TMEM260: variants seen among roughly 807,000 people sequenced by gnomAD.
TMEM260 encodes the protein transmembrane protein 260.
TMEM260 carries 82 observed loss-of-function variants against 88.9 expected under a neutral mutation model. The observed-to-expected ratio is 0.92, with a 90% CI of 0.77 to 1.11. The LOEUF is 1.11. TMEM260 is among the 50% of genes least tolerant of loss of function. TMEM260 has a pLI of 0.00. For synonymous variants in TMEM260, 314 were observed against 309.3 expected (o/e 1.02, Z -0.16); for missense variants, 902 against 853.4 (o/e 1.06, Z -0.71).
At chr14:56,611,267 G>T (rs562252885) in intron 6 of TMEM260, among the ~76,000 whole-genome samples, 45 of 152,118 alleles carry the variant, frequency 3.0e-4, no homozygotes, top group African/African-American at 1.0e-3. Context: ...CACCCAGCCT[G>T]CCAATTATTA....
chr14:56,640,310 CA>C (rs201548663), intron 15 of TMEM260, among the ~76,000 whole-genome samples: 5,120 of 152,272 alleles, frequency 0.034, 137 homozygotes, highest in East Asian at 0.098. Flanking sequence ...TCCAGAGGGA[CA>C]ATCAGGCAGC....
At position 56,616,029 on chromosome 14, in the gene TMEM260, T is replaced by G. The variant is rs1467595554; in HGVS notation, c.941+2T>G. 6.3e-7 allele frequency: 1 copy of G among 1,596,090 alleles called. No individual in the cohort carries two copies. The highest frequency in any genetic ancestry group is 8.6e-7 in the Non-Finnish European group (1 of 1,164,300). ...TGCAAATATATGTTTAGCAACAAAG[T>G]AAGTAATACAATTCCTTTTTCTGTT... On this transcript the variant is annotated splice_donor_variant, in intron 8 of 15. Transcript: ENST00000261556. LOFTEE classifies it high-confidence loss of function.
At chr14:56,583,882 C>A (rs1026321438) in intron 1 of TMEM260, among the ~76,000 whole-genome samples, 1 of 151,820 alleles carries the variant, frequency 6.6e-6, no homozygotes, top group African/African-American at 2.4e-5. Context: ...AGAAAAGGGA[C>A]CTTGAAACCA....
intron 15 of TMEM260, among the ~76,000 whole-genome samples, chr14:56,643,573 G>A (rs1405484343): frequency 2.0e-5 from 3 of 151,998 alleles, no homozygotes; most frequent in Non-Finnish European, 4.4e-5. Flanking sequence ...GGCAAAAACT[G>A]GAAACATTCC....
At chr14:56,660,373 G>T in the TMEM260 span, among the ~76,000 whole-genome samples, 132 of 152,326 alleles carry the variant, frequency 8.7e-4, 1 homozygote, top group Non-Finnish European at 2.2e-4. Flanking sequence ...ATGTTAAATT[G>T]CTGGATTTAA....
intron 12 of TMEM260, among the ~76,000 whole-genome samples, chr14:56,632,758 T>A (rs1315738362): frequency 6.6e-6 from 1 of 152,128 alleles, no homozygotes; most frequent in Non-Finnish European, 1.5e-5. Context: ...TCTATTATGC[T>A]TTGAGACTGT....
intron 3 of TMEM260, among the ~76,000 whole-genome samples, chr14:56,590,391 C>T (rs1387781580): frequency 6.6e-6 from 1 of 152,182 alleles, no homozygotes; most frequent in Admixed American, 6.5e-5. Flanking sequence ...ACCAGGTATC[C>T]TCCTGTTCAT....
At chr14:56,652,167 C>T (rs1273568875), downstream of TMEM260, among the ~76,000 whole-genome samples, 2 of 152,132 alleles carry the variant, frequency 1.3e-5, no homozygotes, top group African/African-American at 4.8e-5. Flanking sequence ...AAGTGAATCA[C>T]CCATTACCCT....
chr14:56,636,667 G>T (rs759109343), intron 15 of TMEM260, 69 bp downstream of exon 15: 1 of 1,332,860 alleles, frequency 7.5e-7, no homozygotes, highest in Non-Finnish European at 1.1e-6. Context: ...GTTCAGAATG[G>T]ATAGAGGGTA....
chr14:56,580,107 C>T (rs1021151050), intron 1 of TMEM260, 33 bp downstream of exon 1: 1 of 1,247,748 alleles, frequency 8.0e-7, no homozygotes, highest in Non-Finnish European at 1.0e-6. Context: ...CCTTCTGTCC[C>T]TCTCCCCTGG....
intron 14 of TMEM260, 59 bp from the exon 15 acceptor site, chr14:56,636,449 A>G: frequency 1.5e-6 from 2 of 1,347,706 alleles, no homozygotes; most frequent in Non-Finnish European, 2.1e-6. Flanking sequence ...AGATTTAGCT[A>G]GCCCTGAATG....
At chr14:56,587,368 T>C (rs1461422513) in intron 3 of TMEM260, among the ~76,000 whole-genome samples, 1 of 151,962 alleles carries the variant, frequency 6.6e-6, no homozygotes, top group South Asian at 2.1e-4. Flanking sequence ...TTTTCAACAT[T>C]ATTAATTGTT....
In TMEM260 at chr14:56,605,573, G is replaced by A; in HGVS notation, c.526G>A (p.Ala176Thr). 6.7e-7 allele frequency: 1 copy of A among 1,494,516 alleles called. No homozygotes were observed. The highest frequency in any genetic ancestry group is 8.9e-7 in the Non-Finnish European group (1 of 1,117,504). 92.6% of individuals were successfully genotyped at this position (1,494,516 alleles called of 1,614,324 possible). Reference sequence around the variant, plus strand: ...TTTTTTTTTAATTTATTTTCAGGTAGCTAAAATTGGTGCTTTCTGCTGTGG... The same window carrying A: ...TTTTTTTTTAATTTATTTTCAGGTAACTAAAATTGGTGCTTTCTGCTGTGG... The part of the protein sequence containing the change: ...AATAKERSKV[A>T]KIGAFCCGLS... Residue 176 changes from alanine (A) to threonine (T), a missense_variant, in exon 5 of 16, where the codon GCT becomes ACT. Transcript: ENST00000261556.
the TMEM260 span, among the ~76,000 whole-genome samples, chr14:56,661,526 A>C: frequency 8.5e-6 from 1 of 117,658 alleles, no homozygotes. Flanking sequence ...AAGGGAGGGA[A>C]GGAGGAAAGG....
the TMEM260 span, among the ~76,000 whole-genome samples, chr14:56,663,044 G>A: frequency 6.6e-6 from 1 of 152,152 alleles, no homozygotes; most frequent in African/African-American, 2.4e-5. This position sits in a 1 kb window ranked among gnomAD's most constrained non-coding sequence, Gnocchi z 4.1. Flanking sequence ...CAGGAGAATC[G>A]CTTGAACCCA....
At chr14:56,618,346 G>T (rs145257213) in intron 9 of TMEM260, among the ~76,000 whole-genome samples, 279 of 152,294 alleles carry the variant, frequency 1.8e-3, no homozygotes, top group Non-Finnish European at 3.2e-3. Context: ...CAAGACTAAG[G>T]CCACAGTATT....
chr14:56,631,839 G>T (rs12889584), intron 12 of TMEM260, among the ~76,000 whole-genome samples: 3 of 152,018 alleles, frequency 2.0e-5, no homozygotes, highest in Non-Finnish European at 2.9e-5. Flanking sequence ...CTATCTATCT[G>T]TTGGGAAACT....
At chr14:56,638,252 C>G (rs934977659) in intron 15 of TMEM260, 1 of 151,770 alleles carries the variant, frequency 6.6e-6, no homozygotes, top group African/African-American at 2.4e-5. Context: ...GGCCCAGCTT[C>G]TAGGCCCACT....
chr14:56,633,888 T>C (rs983052752), intron 13 of TMEM260, among the ~76,000 whole-genome samples: 4 of 152,224 alleles, frequency 2.6e-5, no homozygotes, highest in Non-Finnish European at 5.9e-5. Context: ...AACCTATTGC[T>C]TATAATTTAA....
Sources: allele counts gnomAD v4.1 joint callset (sites outside exome capture counted in the v4.1 genomes callset), GRCh38; gene constraint gnomAD v4.1.1; non-coding constraint Gnocchi (gnomAD v3.1); transcripts MANE v1.5; gene names NCBI Gene and HGNC (gene_info 2026-07-23, HGNC 2026-07-21).